Variants in OPCML observed in about 807,000 individuals in gnomAD.
OPCML encodes opioid-binding protein/cell adhesion molecule.
Under a neutral mutation model 37.8 loss-of-function variants are expected in OPCML, and 13 were observed. The observed-to-expected ratio is 0.34, with a 90% confidence interval of 0.22 to 0.55. The LOEUF is 0.55. Ranked by LOEUF, OPCML falls within the 20% of genes least tolerant of loss-of-function variation. OPCML has a pLI of 0.91. For synonymous variants in OPCML, 176 were observed against 168.8 expected (o/e 1.04, Z -0.33); for missense variants, 341 against 435.6 (o/e 0.78, Z 1.93).
chr11:132,520,094 G>T (rs1360307150), intron 4 of OPCML, among the ~76,000 whole-genome samples: 1 of 152,192 alleles, frequency 6.6e-6, no homozygotes, highest in African/African-American at 2.4e-5. Context: ...GCTAGAAAGA[G>T]ACTAGACATA....
At chr11:132,778,515 C>T (rs1235439621) in intron 2 of OPCML, among the ~76,000 whole-genome samples, 1 of 152,092 alleles carries the variant, frequency 6.6e-6, no homozygotes, top group Admixed American at 6.5e-5. Flanking sequence ...AAAGAGGAAA[C>T]TTATTTGTAC....
rs181485540 is a variant in OPCML, at chr11:133,390,331, C to T, written c.61+141933G>A. On this transcript the variant is annotated intron_variant, in intron 1 of 7. Transcript: ENST00000524381. Reference sequence around the variant, plus strand: ...AAAAAAAATTAGCCGGGTGTGGTGGCGGGCGCCTGTAGTCCCAGCTACTCG... The same window carrying T: ...AAAAAAAATTAGCCGGGTGTGGTGGTGGGCGCCTGTAGTCCCAGCTACTCG... Among the ~76,000 whole-genome samples, 237 of 152,030 alleles carry T rather than the reference C, an allele frequency of 1.6e-3. 1 individual carries two copies. The highest frequency in any genetic ancestry group is 5.4e-3 in the African/African-American group (225 of 41,490).
chr11:133,300,196 TTAAC>T (rs1379848609), intron 1 of OPCML: 3 of 152,074 alleles, frequency 2.0e-5, no homozygotes, highest in African/African-American at 4.8e-5. Context: ...GGTGTAAAGA[TTAAC>T]TGACTGAAAG....
chr11:133,345,774 C>G (rs950763243), intron 1 of OPCML, among the ~76,000 whole-genome samples: 1 of 152,184 alleles, frequency 6.6e-6, no homozygotes, highest in Admixed American at 6.5e-5. Flanking sequence ...CTTCTAGGCT[C>G]AAGCCCACCC....
At position 132,796,565 on chromosome 11, in the gene OPCML, CTTTTTTT is replaced by C. The variant is rs71067396; in HGVS notation, c.147-139253_147-139247del. Among the ~76,000 whole-genome samples the C allele has an allele frequency of 3.4e-4, 30 of 88,582 alleles. No homozygotes were observed. In the East Asian group the frequency reaches 3.9e-3, roughly 12 times the overall value. 58.1% of individuals were successfully genotyped at this position (88,582 alleles called of 152,430 possible). ...TTATTATTATCCACTTTTCTTCTTTCTTTTTTTTTTTTTTTTTTTTTTTTTTGATACG... is the reference window on the plus strand; with the variant it reads ...TTATTATTATCCACTTTTCTTCTTTCTTTTTTTTTTTTTTTTTTTGATACG... On this transcript the variant is annotated intron_variant, in intron 2 of 7. Transcript: ENST00000524381.
chr11:132,437,978 T>C (rs944383439), intron 4 of OPCML, among the ~76,000 whole-genome samples: 1 of 152,222 alleles, frequency 6.6e-6, no homozygotes, highest in Non-Finnish European at 1.5e-5. Context: ...TCAATAAGCA[T>C]TGGCCAACAC....
At chr11:133,036,554 A>G (rs1052319502) in intron 1 of OPCML, among the ~76,000 whole-genome samples, 1 of 152,234 alleles carries the variant, frequency 6.6e-6, no homozygotes, top group African/African-American at 2.4e-5. Flanking sequence ...AAGCACACTA[A>G]TGTGCTTCAG....
intron 3 of OPCML, among the ~76,000 whole-genome samples, chr11:132,633,897 G>A (rs1002735155): frequency 9.6e-5 from 9 of 93,650 alleles, no homozygotes; most frequent in African/African-American, 1.6e-4. Context: ...TAAGAAATCG[G>A]GGGTGGGAGG....
intron 3 of OPCML, among the ~76,000 whole-genome samples, chr11:132,593,975 T>C (rs928632455): frequency 1.3e-5 from 2 of 152,142 alleles, no homozygotes; most frequent in African/African-American, 4.8e-5. Flanking sequence ...GTAACAGTAA[T>C]GAAGAAAGTT....
intron 1 of OPCML, among the ~76,000 whole-genome samples, chr11:133,271,868 C>CGGCA (rs1941848423): frequency 1.3e-5 from 2 of 152,174 alleles, no homozygotes; most frequent in South Asian, 4.2e-4. Context: ...AGTATGCACT[C>CGGCA]GGCAGGATGC....
intron 1 of OPCML, among the ~76,000 whole-genome samples, chr11:133,470,816 C>T (rs1947092410): frequency 6.6e-6 from 1 of 152,162 alleles, no homozygotes; most frequent in African/African-American, 2.4e-5. Context: ...TCAGGACAAG[C>T]CATGTTTGTC....
chr11:133,458,163 TAC>T (rs1474404130), intron 1 of OPCML, among the ~76,000 whole-genome samples: 8 of 147,288 alleles, frequency 5.4e-5, no homozygotes, highest in Admixed American at 1.3e-4. Flanking sequence ...AATATATATA[TAC>T]ATATACATAT....
At chr11:132,663,419 A>C (rs778359673) in intron 2 of OPCML, among the ~76,000 whole-genome samples, 2 of 152,234 alleles carry the variant, frequency 1.3e-5, no homozygotes, top group African/African-American at 4.8e-5. Flanking sequence ...CATAGAGTCC[A>C]TGGGCTCTTT....
At chr11:133,419,738 T>C (rs545681766) in intron 1 of OPCML, among the ~76,000 whole-genome samples, 13 of 152,290 alleles carry the variant, frequency 8.5e-5, no homozygotes, top group Non-Finnish European at 1.8e-4. Flanking sequence ...AAGAAAGACA[T>C]AGAGAAAATG....
intron 1 of OPCML, among the ~76,000 whole-genome samples, chr11:133,199,920 T>C (rs528551964): frequency 6.6e-6 from 1 of 152,326 alleles, no homozygotes; most frequent in East Asian, 1.9e-4. Flanking sequence ...AATATGTTTA[T>C]GAAATGAAGG....
At chr11:132,701,437 A>C (rs1299936148) in intron 2 of OPCML, among the ~76,000 whole-genome samples, 1 of 152,124 alleles carries the variant, frequency 6.6e-6, no homozygotes, top group African/African-American at 2.4e-5. Context: ...CTTAAAGTCT[A>C]TTTCTGTTGG....
chr11:133,261,224 A>C (rs1024886773), intron 1 of OPCML, among the ~76,000 whole-genome samples: 1 of 152,204 alleles, frequency 6.6e-6, no homozygotes, highest in African/African-American at 2.4e-5. Context: ...TCACATCCAA[A>C]TATGGCCACC....
At chr11:133,378,666 CTTTCT>C (rs903294245) in intron 1 of OPCML, among the ~76,000 whole-genome samples, 15 of 150,988 alleles carry the variant, frequency 9.9e-5, no homozygotes, top group African/African-American at 3.0e-4. Flanking sequence ...TCTTTTCTTT[CTTTCT>C]TTTCTTTTCT....
At chr11:132,543,030 G>T (rs920640343) in intron 3 of OPCML, among the ~76,000 whole-genome samples, 1 of 149,402 alleles carries the variant, frequency 6.7e-6, no homozygotes, top group Admixed American at 6.8e-5. Flanking sequence ...TTAAGAAATG[G>T]GCAGTTGTCC....
Sources: gnomAD v4.1 joint callset for allele counts (sites outside exome capture counted in the v4.1 genomes callset) on GRCh38, gnomAD v4.1.1 for gene constraint, MANE v1.5 for transcripts, NCBI Gene and HGNC (gene_info 2026-07-23, HGNC 2026-07-21) for gene names.